The following RIMS2 variants were observed in gnomAD, a reference collection of about 807,000 sequenced individuals.
RIMS2 encodes the protein regulating synaptic membrane exocytosis 2.
Under a neutral mutation model 174.4 loss-of-function variants are expected in RIMS2, and 59 were observed. That is an observed-to-expected ratio of 0.34 (90% confidence interval 0.27 to 0.42). The LOEUF (loss-of-function observed/expected upper bound fraction) is 0.42. RIMS2 is among the 10% of genes least tolerant of loss of function. RIMS2 has a pLI of 1.00. For synonymous variants in RIMS2, 606 were observed against 572.5 expected, an observed-to-expected ratio of 1.06 and a Z score of -0.84; for missense variants, 1,620 against 1,666.3, an observed-to-expected ratio of 0.97 and a Z score of 0.48.
chr8:103,960,562 A>G (rs984202951), intron 14 of RIMS2, among the ~76,000 whole-genome samples: 2 of 152,162 alleles, frequency 1.3e-5, no homozygotes, highest in Admixed American at 1.3e-4. Context: ...TCTGAATTAT[A>G]CTTTCTCTCC....
intron 1 of RIMS2, among the ~76,000 whole-genome samples, chr8:103,554,131 A>G (rs1026310501): frequency 6.6e-6 from 1 of 152,298 alleles, no homozygotes; most frequent in East Asian, 1.9e-4. Flanking sequence ...TTCTGGACAT[A>G]GGCCCTGGTG....
chr8:103,990,468 TGTA>T (rs932504742), intron 17 of RIMS2, among the ~76,000 whole-genome samples: 1 of 152,108 alleles, frequency 6.6e-6, no homozygotes, highest in Non-Finnish European at 1.5e-5. Flanking sequence ...TGAAAGCTAA[TGTA>T]GTATTTTATT....
At chr8:103,893,610 T>C (rs1451927789) in intron 4 of RIMS2, among the ~76,000 whole-genome samples, 1 of 152,122 alleles carries the variant, frequency 6.6e-6, no homozygotes, top group Non-Finnish European at 1.5e-5. Flanking sequence ...ACTTGGAATG[T>C]TTTTTACATT....
chr8:104,016,654 C>CT (rs2095916378), intron 19 of RIMS2, among the ~76,000 whole-genome samples: 1 of 151,990 alleles, frequency 6.6e-6, no homozygotes, highest in Non-Finnish European at 1.5e-5. Flanking sequence ...CTTTTTGTCT[C>CT]TTCAGTGTTT....
Position 103,880,000 on chromosome 8 carries a change from A to G in RIMS2, c.699-5298A>G, listed in dbSNP as rs952363085. Among the ~76,000 whole-genome samples the G allele has an allele frequency of 5.3e-5, 8 of 151,658 alleles. No individual in the cohort carries two copies. In the Admixed American group the frequency reaches 5.3e-4, roughly 10 times the overall value. Reference sequence around the variant, plus strand: ...TAGTGTCTAACCAACTTCTTAGTTAATGGAGCACATTACTTTTTATTAAAT... The same window carrying G: ...TAGTGTCTAACCAACTTCTTAGTTAGTGGAGCACATTACTTTTTATTAAAT... On this transcript the variant is annotated intron_variant, in intron 3 of 23. Transcript: ENST00000504942.
chr8:103,797,062 G>A (rs1481191332), intron 3 of RIMS2, among the ~76,000 whole-genome samples: 4 of 152,126 alleles, frequency 2.6e-5, no homozygotes, highest in African/African-American at 9.7e-5. Flanking sequence ...AGACTTAAAG[G>A]AAGTGAAGAA....
intron 3 of RIMS2, among the ~76,000 whole-genome samples, chr8:103,812,339 T>C (rs1303985257): frequency 6.8e-6 from 1 of 146,618 alleles, no homozygotes; most frequent in African/African-American, 2.5e-5. Context: ...TTGTTTTTTT[T>C]TTTTTTTTTT....
At chr8:104,218,399 T>G (rs1386207381) in intron 19 of RIMS2, among the ~76,000 whole-genome samples, 1 of 152,212 alleles carries the variant, frequency 6.6e-6, no homozygotes, top group East Asian at 1.9e-4. Flanking sequence ...GCTACGTTAG[T>G]GGTCCCCAAC....
At position 103,876,909 on chromosome 8, in the gene RIMS2, T is replaced by TAC. The variant is rs1554922575; in HGVS notation, c.699-8380_699-8379dup. 5.5e-3 allele frequency among the ~76,000 whole-genome samples: 365 copies of TAC among 66,022 alleles called. 5 individuals are homozygous for TAC. Among genetic ancestry groups the TAC allele is most frequent in the African/African-American group, 9.6e-3 (227 of 23,530 alleles). 43.3% of individuals were successfully genotyped at this position (66,022 alleles called of 152,430 possible). On this transcript the variant is annotated intron_variant, in intron 3 of 23. Transcript: ENST00000504942. ...ATATATATATATATATATATATATA[T>TAC]ACACACACACCCCCATATACATAAC...
chr8:103,736,158 T>C (rs1387854563), intron 2 of RIMS2, among the ~76,000 whole-genome samples: 2 of 152,208 alleles, frequency 1.3e-5, no homozygotes, highest in Non-Finnish European at 2.9e-5. Context: ...TTTCAGAGTA[T>C]TTTAATGTGC....
chr8:103,578,990 A>G (rs75386794), intron 1 of RIMS2, among the ~76,000 whole-genome samples: 1 of 6,744 alleles, frequency 1.5e-4, no homozygotes, highest in East Asian at 0.012. Context: ...ACTCTGTCTC[A>G]AAAAAAAAAA....
chr8:104,049,282 G>A (rs935241308), intron 19 of RIMS2, among the ~76,000 whole-genome samples: 1 of 152,038 alleles, frequency 6.6e-6, no homozygotes, highest in African/African-American at 2.4e-5. Flanking sequence ...ATTACCCGGG[G>A]TGGGCGTGTG....
intron 1 of RIMS2, among the ~76,000 whole-genome samples, chr8:103,632,894 G>A (rs565433737): frequency 2.6e-4 from 37 of 140,834 alleles, no homozygotes; most frequent in South Asian, 2.1e-3. Flanking sequence ...CCACCATGCC[G>A]GGCTAATTTT....
chr8:103,661,141 G>T (rs184869652), intron 1 of RIMS2, among the ~76,000 whole-genome samples: 41 of 152,252 alleles, frequency 2.7e-4, no homozygotes, highest in Non-Finnish European at 4.4e-4. Context: ...GTATTCTATT[G>T]GTTCTGTATT....
chr8:103,671,512 C>G (rs1231109403), intron 1 of RIMS2, among the ~76,000 whole-genome samples: 1 of 152,156 alleles, frequency 6.6e-6, no homozygotes, highest in East Asian at 1.9e-4. Flanking sequence ...TGATATGATC[C>G]TAAAGTCATC....
intron 19 of RIMS2, among the ~76,000 whole-genome samples, chr8:104,126,133 G>A (rs2098427052): frequency 6.6e-6 from 1 of 152,100 alleles, no homozygotes; most frequent in African/African-American, 2.4e-5. Flanking sequence ...CCGGTTTTAT[G>A]TCTTACTGTG....
intron 1 of RIMS2, among the ~76,000 whole-genome samples, chr8:103,671,589 A>G (rs980223849): frequency 5.9e-5 from 9 of 152,210 alleles, no homozygotes; most frequent in Non-Finnish European, 1.3e-4. Flanking sequence ...CCATGAAGAC[A>G]CAACACTTTA....
intron 19 of RIMS2, 83 bp from the exon 26 acceptor site, chr8:104,244,833 C>A: frequency 1.9e-6 from 2 of 1,075,700 alleles, no homozygotes; most frequent in Non-Finnish European, 2.8e-6. Context: ...TTCTTTGCAT[C>A]TGATGATCTC....
chr8:104,217,492 C>T (rs2099135984), intron 19 of RIMS2, among the ~76,000 whole-genome samples: 1 of 152,152 alleles, frequency 6.6e-6, no homozygotes, highest in Non-Finnish European at 1.5e-5. Flanking sequence ...TGGTCTTGAG[C>T]TCCTGAGCTC....
Sources: allele counts gnomAD v4.1 joint callset (sites outside exome capture counted in the v4.1 genomes callset), GRCh38; gene constraint gnomAD v4.1.1; transcripts MANE v1.5; gene names NCBI Gene and HGNC (gene_info 2026-07-23, HGNC 2026-07-21).